The following NOS1AP variants were observed in gnomAD, a reference collection of about 807,000 sequenced individuals.
The protein encoded by NOS1AP is carboxyl-terminal PDZ ligand of neuronal nitric oxide synthase protein.
Under a neutral mutation model 56.2 loss-of-function variants are expected in NOS1AP, and 21 were observed. That is an observed-to-expected ratio of 0.37 (90% CI 0.26 to 0.54). NOS1AP has a LOEUF of 0.54. NOS1AP is among the 20% of genes least tolerant of loss of function. The probability of loss-of-function intolerance (pLI) is 0.84; values close to 1 mark genes in which losing one functional copy is unlikely to be tolerated. For synonymous variants in NOS1AP, 270 were observed against 274.6 expected (o/e 0.98, Z 0.17); for missense variants, 522 against 657.8 (o/e 0.79, Z 2.26).
At chr1:162,074,873 A>G (rs1467811819) in intron 1 of NOS1AP, among the ~76,000 whole-genome samples, 2 of 152,154 alleles carry the variant, frequency 1.3e-5, no homozygotes, top group African/African-American at 4.8e-5. Flanking sequence ...TCCTCACAGC[A>G]TGGTGGCCCT....
chr1:162,096,132 A>G (rs926931178), intron 1 of NOS1AP, among the ~76,000 whole-genome samples: 2 of 152,232 alleles, frequency 1.3e-5, no homozygotes. Context: ...TCAATATTCA[A>G]CAAATATTAA....
intron 4 of NOS1AP, among the ~76,000 whole-genome samples, chr1:162,329,042 T>C (rs572666337): frequency 4.6e-5 from 7 of 152,312 alleles, no homozygotes; most frequent in Admixed American, 4.6e-4. Context: ...AAAATCACGT[T>C]GTCAACCTAA....
chr1:162,361,227 C>G (rs570771393), intron 8 of NOS1AP, among the ~76,000 whole-genome samples: 1 of 152,196 alleles, frequency 6.6e-6, no homozygotes, highest in South Asian at 2.1e-4. Context: ...GAAATATGGT[C>G]TACTTTTACA....
intron 1 of NOS1AP, among the ~76,000 whole-genome samples, chr1:162,149,112 C>CT (rs1649599306): frequency 6.6e-6 from 1 of 151,976 alleles, no homozygotes; most frequent in Non-Finnish European, 1.5e-5. Context: ...CAGGCCAACC[C>CT]AGCTCCATTG....
At chr1:162,341,916 T>C (rs1657120119) in intron 5 of NOS1AP, among the ~76,000 whole-genome samples, 1 of 152,182 alleles carries the variant, frequency 6.6e-6, no homozygotes. Context: ...AGGGACTGTG[T>C]CTTCTAAATC....
intron 1 of NOS1AP, among the ~76,000 whole-genome samples, chr1:162,074,399 A>C (rs905079120): frequency 2.0e-5 from 3 of 152,116 alleles, no homozygotes; most frequent in Admixed American, 1.3e-4. Flanking sequence ...CATTGCCTAG[A>C]TTGTTCCCTT....
intron 2 of NOS1AP, among the ~76,000 whole-genome samples, chr1:162,197,272 T>A (rs1651839493): frequency 6.6e-6 from 1 of 152,240 alleles, no homozygotes; most frequent in Admixed American, 6.5e-5. Context: ...CTAACCTTAA[T>A]GGGAAACAAA....
intron 1 of NOS1AP, among the ~76,000 whole-genome samples, chr1:162,087,132 G>A (rs1692021228): frequency 6.6e-6 from 1 of 152,172 alleles, no homozygotes; most frequent in Non-Finnish European, 1.5e-5. Context: ...GACACACAGG[G>A]TTGGATGAAT....
At position 162,114,477 on chromosome 1, in the gene NOS1AP, A is replaced by C. The variant is rs565526497; in HGVS notation, c.106-39928A>C. ...TATTATCTTGGATGGTTTCCCTAAAAGCCAGCTAATTATGGGCCTTAATCA... is the reference window on the plus strand; with the variant it reads ...TATTATCTTGGATGGTTTCCCTAAACGCCAGCTAATTATGGGCCTTAATCA... On this transcript the variant is annotated intron_variant, in intron 1 of 9. Coordinates refer to ENST00000361897, the MANE Select transcript of NOS1AP (RefSeq NM_014697.3). 3.0e-4 allele frequency among the ~76,000 whole-genome samples: 46 copies of C among 152,314 alleles called. No homozygotes were observed. The East Asian group carries it at 7.1e-3, about 24-fold the overall frequency.
At chr1:162,113,381 G>A (rs917004842) in intron 1 of NOS1AP, among the ~76,000 whole-genome samples, 5 of 152,174 alleles carry the variant, frequency 3.3e-5, no homozygotes, top group Non-Finnish European at 7.4e-5. Context: ...ACAGTGGAAT[G>A]TGTTGTCGGG....
chr1:162,183,436 A>G (rs6671817), intron 2 of NOS1AP, among the ~76,000 whole-genome samples: 67,115 of 152,106 alleles, frequency 0.44, 18,183 homozygotes, highest in Non-Finnish European at 0.61. Flanking sequence ...CACCAGCTGT[A>G]TCACTAGCTG....
rs754575362 is a variant in NOS1AP, at chr1:162,365,442, G to C, written c.978G>C (p.Ala326=). ...AGGACCAGTTGGCTGCTGAGGCTGC[G>C]GCGCGGCTGGAGGCCCAGGCTCGCG... The part of the protein sequence containing the change: ...LLKDQLAAEA[A]ARLEAQARVH... The change falls in exon 9 of 10, where the codon GCG becomes GCC. Residue 326 remains alanine (A), a synonymous_variant. Coordinates refer to ENST00000361897, the MANE Select transcript of NOS1AP (RefSeq NM_014697.3). 6.2e-7 allele frequency: 1 copy of C among 1,614,050 alleles called. No homozygotes were observed. The highest frequency in any genetic ancestry group is 8.5e-7 in the Non-Finnish European group (1 of 1,180,044).
intron 2 of NOS1AP, among the ~76,000 whole-genome samples, chr1:162,217,113 A>G (rs1446640292): frequency 6.6e-6 from 1 of 151,964 alleles, no homozygotes; most frequent in Non-Finnish European, 1.5e-5. Context: ...GCATACACCT[A>G]GGTACTTCTA....
intron 1 of NOS1AP, among the ~76,000 whole-genome samples, chr1:162,082,211 A>C (rs1409239957): frequency 6.6e-6 from 1 of 151,564 alleles, no homozygotes. Flanking sequence ...TTGTTCCTGC[A>C]TTAGTTTGCT....
At chr1:162,113,818 C>T (rs554326556) in intron 1 of NOS1AP, among the ~76,000 whole-genome samples, 227 of 152,280 alleles carry the variant, frequency 1.5e-3, no homozygotes, top group Non-Finnish European at 2.1e-3. Flanking sequence ...ACCATCTCCT[C>T]CTCTTACCTG....
chr1:162,169,396 G>C (rs185019987), intron 2 of NOS1AP, among the ~76,000 whole-genome samples: 1 of 152,154 alleles, frequency 6.6e-6, no homozygotes, highest in Non-Finnish European at 1.5e-5. Flanking sequence ...CCCTGCTGGG[G>C]GTGCTAATGA....
At chr1:162,315,952 T>C (rs1656213817) in intron 4 of NOS1AP, among the ~76,000 whole-genome samples, 1 of 152,214 alleles carries the variant, frequency 6.6e-6, no homozygotes. Context: ...AACTGTATCT[T>C]ATCTATCTTT....
chr1:162,251,905 C>A (rs1194886751), intron 2 of NOS1AP, among the ~76,000 whole-genome samples: 2 of 142,578 alleles, frequency 1.4e-5, no homozygotes, highest in Non-Finnish European at 3.0e-5. Flanking sequence ...GACAAGGTCC[C>A]ACTATATTGC....
intron 3 of NOS1AP, among the ~76,000 whole-genome samples, chr1:162,288,382 G>A (rs1262143251): frequency 6.6e-6 from 1 of 152,192 alleles, no homozygotes; most frequent in Non-Finnish European, 1.5e-5. Context: ...GGGACTTAAA[G>A]CAGACCTTGA....
Sources: allele counts gnomAD v4.1 joint callset (sites outside exome capture counted in the v4.1 genomes callset), GRCh38; gene constraint gnomAD v4.1.1; transcripts MANE v1.5; gene names NCBI Gene and HGNC (gene_info 2026-07-23, HGNC 2026-07-21).